ASIC2: variants seen among roughly 807,000 people sequenced by gnomAD.
The protein encoded by ASIC2 is acid-sensing ion channel 2.
Under a neutral mutation model 57.3 loss-of-function variants are expected in ASIC2, and 25 were observed. The observed-to-expected ratio is 0.44, with a 90% CI of 0.32 to 0.61. The LOEUF (loss-of-function observed/expected upper bound fraction) is 0.61, where lower values mean the gene tolerates loss of function less well. ASIC2 is among the 20% of genes least tolerant of loss of function. The probability of loss-of-function intolerance (pLI) is 0.06; values close to 1 mark genes in which losing one functional copy is unlikely to be tolerated. For synonymous variants in ASIC2, 319 were observed against 307.5 expected, an observed-to-expected ratio of 1.04 and a Z score of -0.39; for missense variants, 641 against 738.1, an observed-to-expected ratio of 0.87 and a Z score of 1.52.
In ASIC2 at chr17:33,796,750, T is replaced by A. The variant is rs1911929893; in HGVS notation, c.555+359228A>T. On this transcript the variant is annotated intron_variant, in intron 1 of 9. Transcript: ENST00000359872. ...CTTGCCTTGAATGACAAGTATGAAG[T>A]GAGGGAAAAAGGTATTTCTGCCATA... Among the ~76,000 whole-genome samples, 2 of 152,068 alleles carry A rather than the reference T, an allele frequency of 1.3e-5. 1 individual carries two copies. Among genetic ancestry groups the A allele is most frequent in the South Asian group, 4.1e-4 (2 of 4,822 alleles).
At chr17:34,069,166 GATTT>G (rs1299155110) in intron 1 of ASIC2, among the ~76,000 whole-genome samples, 27 of 151,654 alleles carry the variant, frequency 1.8e-4, no homozygotes, top group African/African-American at 3.6e-4. Flanking sequence ...AAAAATTTAG[GATTT>G]ATTTCTCCCC....
intron 1 of ASIC2, among the ~76,000 whole-genome samples, chr17:33,675,419 C>G (rs1401422749): frequency 6.6e-6 from 1 of 152,184 alleles, no homozygotes; most frequent in Non-Finnish European, 1.5e-5. Context: ...AGCTCCACAC[C>G]TGTTTGTTCC....
upstream of ASIC2, among the ~76,000 whole-genome samples, chr17:33,297,154 A>G (rs1158217115): frequency 6.6e-6 from 1 of 152,236 alleles, no homozygotes; most frequent in African/African-American, 2.4e-5. Context: ...CTAGCAGTCC[A>G]CCTGCTAGTG....
At chr17:33,488,210 C>T (rs1913637004) in intron 1 of ASIC2, among the ~76,000 whole-genome samples, 1 of 152,118 alleles carries the variant, frequency 6.6e-6, no homozygotes. Context: ...GTCACTCTCC[C>T]CCACCCTGTT....
At chr17:34,087,179 G>C (rs557602953) in intron 1 of ASIC2, among the ~76,000 whole-genome samples, 3 of 151,950 alleles carry the variant, frequency 2.0e-5, no homozygotes, top group Non-Finnish European at 4.4e-5. Context: ...GGCTGGTACC[G>C]GTTGTTCCTT....
intron 1 of ASIC2, among the ~76,000 whole-genome samples, chr17:33,492,052 C>T (rs1372600513): frequency 1.3e-5 from 2 of 152,200 alleles, no homozygotes; most frequent in African/African-American, 4.8e-5. Context: ...ATCTCCAATT[C>T]CTTTAACCAC....
intron 1 of ASIC2, among the ~76,000 whole-genome samples, chr17:33,501,539 G>A (rs570451773): frequency 1.3e-5 from 2 of 152,288 alleles, no homozygotes; most frequent in Admixed American, 6.5e-5. Context: ...TAGTGCTAAG[G>A]TCCAGAAAAG....
At chr17:33,543,165 T>C (rs574802106) in intron 1 of ASIC2, among the ~76,000 whole-genome samples, 1,740 of 145,200 alleles carry the variant, frequency 0.012, 18 homozygotes, top group Non-Finnish European at 0.021. Flanking sequence ...AGGGATAGCA[T>C]TGGGAGATAT....
At chr17:33,388,040 A>G (rs1321335062) in intron 1 of ASIC2, among the ~76,000 whole-genome samples, 1 of 152,226 alleles carries the variant, frequency 6.6e-6, no homozygotes, top group Non-Finnish European at 1.5e-5. Flanking sequence ...AGATTGAGCC[A>G]CTGCACTCCA....
intron 1 of ASIC2, among the ~76,000 whole-genome samples, chr17:33,206,895 C>T (rs554453096): frequency 2.0e-5 from 3 of 152,258 alleles, no homozygotes; most frequent in Admixed American, 1.3e-4. Context: ...ATGGTCATTC[C>T]AAGGTGGTAG....
chr17:34,085,777 G>A (rs1417042012), intron 1 of ASIC2, among the ~76,000 whole-genome samples: 5 of 152,120 alleles, frequency 3.3e-5, no homozygotes, highest in Admixed American at 2.0e-4. Context: ...GAGAGTGTAC[G>A]TGTCGAGGAA....
In ASIC2 at chr17:33,837,868, G is replaced by T. The variant is rs532889350; in HGVS notation, c.555+318110C>A. Among the ~76,000 whole-genome samples the T allele has an allele frequency of 3.9e-5, 6 of 151,954 alleles. No homozygotes were observed. In the South Asian group the frequency reaches 1.3e-3, roughly 32 times the overall value. On this transcript the variant is annotated intron_variant, in intron 1 of 9. Transcript: ENST00000359872. ...ATCATCCAAACTCTTCTACATCCAGGTCTCTGTGCTGTTCTCTCTTTCTGA... is the reference window on the plus strand; with the variant it reads ...ATCATCCAAACTCTTCTACATCCAGTTCTCTGTGCTGTTCTCTCTTTCTGA...
intron 1 of ASIC2, among the ~76,000 whole-genome samples, chr17:33,190,718 C>G (rs191541503): frequency 2.6e-4 from 39 of 152,216 alleles, no homozygotes; most frequent in Non-Finnish European, 5.1e-4. Context: ...AGTTGATCTA[C>G]ATGAATAACA....
chr17:34,045,753 G>T (rs2142049372), intron 1 of ASIC2, among the ~76,000 whole-genome samples: 1 of 152,328 alleles, frequency 6.6e-6, no homozygotes, highest in East Asian at 1.9e-4. Flanking sequence ...CTGCAGGAGA[G>T]AAGGGCAGGA....
intron 1 of ASIC2, among the ~76,000 whole-genome samples, chr17:33,601,949 T>A (rs913964866): frequency 1.3e-5 from 2 of 152,242 alleles, no homozygotes; most frequent in Non-Finnish European, 2.9e-5. Context: ...TTTCTCCCTT[T>A]TGTAATGGAC....
intron 1 of ASIC2, among the ~76,000 whole-genome samples, chr17:33,212,040 C>T (rs552815251): frequency 2.6e-5 from 4 of 152,274 alleles, no homozygotes; most frequent in Admixed American, 2.0e-4. Context: ...CCCAAAGTTA[C>T]ACAGGTAGCA....
intron 1 of ASIC2, among the ~76,000 whole-genome samples, chr17:33,654,936 C>T (rs77019175): frequency 0.059 from 9,040 of 152,210 alleles, 331 homozygotes; most frequent in Non-Finnish European, 0.092. Context: ...TTGAGATCAG[C>T]CTGGGCAACA....
At chr17:33,883,032 TCTCA>T (rs1914741940) in intron 1 of ASIC2, among the ~76,000 whole-genome samples, 1 of 152,050 alleles carries the variant, frequency 6.6e-6, no homozygotes, top group Non-Finnish European at 1.5e-5. Flanking sequence ...CACCACATGT[TCTCA>T]CTCATAGGTG....
At chr17:33,323,660 G>A (rs1411139657) in intron 1 of ASIC2, among the ~76,000 whole-genome samples, 3 of 152,202 alleles carry the variant, frequency 2.0e-5, no homozygotes, top group Non-Finnish European at 4.4e-5. Context: ...GTTGCAGTGA[G>A]CCAAGATTGT....
Sources: gnomAD v4.1 joint callset for allele counts (sites outside exome capture counted in the v4.1 genomes callset) on GRCh38, gnomAD v4.1.1 for gene constraint, MANE v1.5 for transcripts, NCBI Gene and HGNC (gene_info 2026-07-23, HGNC 2026-07-21) for gene names.